Variants in BRD4 observed in about 807,000 individuals in gnomAD.
BRD4 encodes bromodomain-containing protein 4.
Under a neutral mutation model 142.1 loss-of-function variants are expected in BRD4, and 16 were observed. That is an observed-to-expected ratio of 0.11 (90% CI 0.08 to 0.17). BRD4 has a LOEUF of 0.17. BRD4 is among the 10% of genes least tolerant of loss of function. BRD4 has a pLI of 1.00. For synonymous variants in BRD4, 833 were observed against 707.5 expected, an observed-to-expected ratio of 1.18 and a Z score of -2.82; for missense variants, 1,424 against 1,810.9, an observed-to-expected ratio of 0.79 and a Z score of 3.88.
At position 15,239,223 on chromosome 19, in the gene BRD4, C is replaced by T. The variant is rs2145500130; in HGVS notation, c.3618G>A (p.Val1206=). 1.2e-6 allele frequency: 2 copies of T among 1,613,172 alleles called. No homozygotes were observed. The highest frequency in any genetic ancestry group is 1.7e-6 in the Non-Finnish European group (2 of 1,180,004). ...AGGAGGGGGTGGTCGGATGCTTCTG[C>T]ACTAGGCTGGCCCAGGAGCCCATGT... The part of the protein sequence containing the change: ...IKNMGSWASL[V]QKHPTTPSST... Residue 1206 remains valine (V), a synonymous_variant, in exon 18 of 20, where the codon GTG becomes GTA. Coordinates refer to ENST00000679869, the MANE Select transcript of BRD4 (RefSeq NM_001379291.1). The surrounding 1 kb of genome is among the most constrained non-coding windows in gnomAD (Gnocchi z 7.4).
In BRD4 at chr19:15,238,299, A is replaced by C. The variant is rs1599427678; in HGVS notation, c.*78T>G. The C allele has an allele frequency of 1.3e-6, 2 of 1,594,302 alleles. No homozygotes were observed. The highest frequency in any genetic ancestry group is 1.7e-6 in the Non-Finnish European group (2 of 1,168,994). On this transcript the variant is annotated 3_prime_UTR_variant, in exon 20 of 20. Coordinates refer to ENST00000679869, the MANE Select transcript of BRD4 (RefSeq NM_001379291.1). The surrounding 1 kb of genome is among the most constrained non-coding windows in gnomAD (Gnocchi z 7.2). ...GAGGCATCCCCTGGCCGCTGATCCCACCTCCACCACCGCCCCTAACACTAT... is the reference window on the plus strand; with the variant it reads ...GAGGCATCCCCTGGCCGCTGATCCCCCCTCCACCACCGCCCCTAACACTAT...
chr19:15,238,734 C>A lies in BRD4; in HGVS notation c.4020+9G>T, dbSNP rs200578182. ...TAGACCAGGGTCCCCACCAGGCCTC[C>A]AGACTCACGGCTTCCCGGCGTCTTC... is the stretch of plus-strand genomic sequence containing the variant. On this transcript the variant is annotated intron_variant, in intron 19 of 19. Coordinates refer to ENST00000679869, the MANE Select transcript of BRD4 (RefSeq NM_001379291.1). The surrounding 1 kb of genome is among the most constrained non-coding windows in gnomAD (Gnocchi z 7.2). 5.7e-3 allele frequency: 8,708 copies of A among 1,525,150 alleles called. 41 individuals carry two copies. The highest frequency in any genetic ancestry group is 7.1e-3 in the Non-Finnish European group (8,013 of 1,134,660). 94.5% of individuals were successfully genotyped at this position (1,525,150 alleles called of 1,614,324 possible). A position where few individuals can be genotyped will look rare whatever the true frequency, so the allele number is the denominator to read the frequency against.
In BRD4 at chr19:15,263,887, C is replaced by T. The variant is rs530927903; in HGVS notation, c.1213-339G>A. ...AGTACAGGAGCTGGTCAAAGGGACA[C>T]AGCACTGTTCCCTGCTCTGCCTGCC... On this transcript the variant is annotated intron_variant, in intron 6 of 19. Transcript: ENST00000679869. Among the ~76,000 whole-genome samples, 341 of 152,356 alleles carry T rather than the reference C, an allele frequency of 2.2e-3. 1 individual carries two copies. The highest frequency in any genetic ancestry group is 3.6e-3 in the Non-Finnish European group (247 of 68,032).
chr19:15,331,506 G>A lies in BRD4; in HGVS notation c.-35+784C>T, dbSNP rs1003459833. ...AGCAAAACAAAGCGCCCAGCAAGGG[G>A]CTGCCAGGCTGAGAGTGGGTGCGTC... On this transcript the variant is annotated intron_variant, in intron 1 of 19. Transcript: ENST00000679869. 6.6e-5 allele frequency among the ~76,000 whole-genome samples: 10 copies of A among 152,200 alleles called. No individual in the cohort carries two copies. The East Asian group carries it at 1.4e-3, about 21-fold the overall frequency.
At position 15,243,361 on chromosome 19, in the gene BRD4, G is replaced by T. The variant is rs757519725; in HGVS notation, c.2708C>A (p.Pro903His). ...CACTTGGGGGGGTTGGGCCATGGGG[G>T]GCTGTGGGAGCAGGGGTGTTTGGGT... ...ALTQTPLLPQ[P>H]PMAQPPQVLL... is the part of the protein sequence containing the mutation. The change falls in exon 14 of 20, where the codon CCC becomes CAC. Residue 903 changes from proline to histidine, a missense_variant. Physicochemically the swap from Pro to His is moderately conservative, Grantham distance 77. This residue lies in a region of BRD4 where 598 missense variants were observed against 647.8 expected (regional missense o/e 0.92). Coordinates refer to ENST00000679869, the MANE Select transcript of BRD4 (RefSeq NM_001379291.1). 1 of 1,503,502 alleles carries T rather than the reference G, an allele frequency of 6.7e-7. No individual in the cohort carries two copies. The highest frequency in any genetic ancestry group is 1.4e-5 in the African/African-American group (1 of 70,648). The allele number at this position is 1,503,502 out of a possible 1,614,324, so 93.1% of individuals were successfully genotyped here. A position where few individuals can be genotyped will look rare whatever the true frequency, so the allele number is the denominator to read the frequency against.
intron 1 of BRD4, among the ~76,000 whole-genome samples, chr19:15,303,903 A>G (rs1268517948): frequency 6.6e-6 from 1 of 152,178 alleles, no homozygotes; most frequent in Non-Finnish European, 1.5e-5. Flanking sequence ...CTTGATCAAG[A>G]TGCCAGCAAG....
In BRD4 at chr19:15,316,367, A is replaced by G. The variant is rs193123914; in HGVS notation, c.-35+15923T>C. On this transcript the variant is annotated intron_variant, in intron 1 of 19. Transcript: ENST00000679869. ...TGGAAGTGAAGGCCCGGAGCGGTGG[A>G]TCACCTGAGATCAGGAGTTCGAGAC... 3.7e-3 allele frequency among the ~76,000 whole-genome samples: 570 copies of G among 152,098 alleles called. 5 individuals are homozygous for G. Among genetic ancestry groups the G allele is most frequent in the African/African-American group, 0.013 (537 of 41,484 alleles).
intron 11 of BRD4, chr19:15,248,623 CGAA>C (rs2047313296): frequency 4.4e-6 from 1 of 226,712 alleles, no homozygotes; most frequent in Non-Finnish European, 8.8e-6. Flanking sequence ...ACAATGGAGA[CGAA>C]GGAGGAAAGA....
rs199730800 is a variant in BRD4, at chr19:15,257,055, T to C, written c.1460A>G (p.Asp487Gly). Reference protein sequence around the residue: ...TKVVAPPSSSDSSSDSSSDSD... With the variant: ...TKVVAPPSSSGSSSDSSSDSD... The stretch of plus-strand genomic sequence containing the variant: ...GTCCGAGGAGCTATCGCTGCTGCTG[T>C]CGCTGGATGAGGGCGGGGCCACAAC... The change falls in exon 8 of 20, where the codon GAC becomes GGC. Residue 487 changes from aspartate to glycine, a missense_variant. Coordinates refer to ENST00000679869, the MANE Select transcript of BRD4 (RefSeq NM_001379291.1). The C allele has an allele frequency of 6.2e-6, 10 of 1,602,416 alleles. No individual in the cohort carries two copies. Among genetic ancestry groups the C allele is most frequent in the Non-Finnish European group, 8.5e-6 (10 of 1,176,460 alleles).
chr19:15,306,603 C>T (rs529028558), intron 1 of BRD4, among the ~76,000 whole-genome samples: 6 of 152,202 alleles, frequency 3.9e-5, no homozygotes, highest in East Asian at 1.9e-4. Flanking sequence ...GTGAGAGACG[C>T]GAGACCCTTC....
At position 15,243,198 on chromosome 19, in the gene BRD4, G is replaced by C. The variant is rs945737077; in HGVS notation, c.2871C>G (p.Pro957=). ...CAGAGGGGTGGGGTGGGGGCGGCAG[G>C]GGGGGTGGGGGCTGGGACTGCACCT... is the stretch of plus-strand genomic sequence containing the variant. ...SVKVQSQPPP[P]LPPPPHPSVQ... is the part of the protein sequence containing the mutation. Residue 957 remains proline, a synonymous_variant, in exon 14 of 20, where the codon CCC becomes CCG. Coordinates refer to ENST00000679869, the MANE Select transcript of BRD4 (RefSeq NM_001379291.1). 5 of 1,168,928 alleles carry C rather than the reference G, an allele frequency of 4.3e-6. No homozygotes were observed. Among genetic ancestry groups the C allele is most frequent in the Non-Finnish European group, 5.8e-6 (5 of 864,694 alleles). 72.4% of individuals were successfully genotyped at this position (1,168,928 alleles called of 1,614,324 possible).
intron 1 of BRD4, among the ~76,000 whole-genome samples, chr19:15,288,554 C>T (rs1221765041): frequency 6.6e-6 from 1 of 152,232 alleles, no homozygotes; most frequent in Non-Finnish European, 1.5e-5. Context: ...CTGCCCTAAG[C>T]CCATCCACAC....
In BRD4 at chr19:15,281,456, CA is replaced by C. The variant is rs1248154046; in HGVS notation, c.-34-8324del. Among the ~76,000 whole-genome samples, 4 of 152,332 alleles carry C rather than the reference CA, an allele frequency of 2.6e-5. No homozygotes were observed. The East Asian group carries it at 7.7e-4, about 29-fold the overall frequency. On this transcript the variant is annotated intron_variant, in intron 1 of 19. Coordinates refer to ENST00000679869, the MANE Select transcript of BRD4 (RefSeq NM_001379291.1). ...GAAACTGGGCGGGACACAATCTCACCAACCAGAATTCCAGTCTCTCTGCTTT... is the reference window on the plus strand; with the variant it reads ...GAAACTGGGCGGGACACAATCTCACCACCAGAATTCCAGTCTCTCTGCTTT...
At chr19:15,276,558 G>T (rs969091093) in intron 1 of BRD4, among the ~76,000 whole-genome samples, 24 of 151,974 alleles carry the variant, frequency 1.6e-4, no homozygotes, top group African/African-American at 5.8e-4. Flanking sequence ...TCCATCTACT[G>T]AGTTCCATGG....
chr19:15,267,629 CACCCCCTGCCCCCA>C, intron 3 of BRD4, 78 bp from the exon 4 acceptor site: 1 of 1,513,862 alleles, frequency 6.6e-7, no homozygotes, highest in Non-Finnish European at 8.9e-7. Context: ...CCATGCCACC[CACCCCCTGCCCCCA>C]AAACATGAAG....
chr19:15,252,742 T>C (rs990715433), intron 11 of BRD4, among the ~76,000 whole-genome samples: 1 of 152,156 alleles, frequency 6.6e-6, no homozygotes, highest in African/African-American at 2.4e-5. Flanking sequence ...TGCATGCAGT[T>C]GTGGTAGAGA....
At chr19:15,270,653 G>A (rs190506787) in intron 2 of BRD4, among the ~76,000 whole-genome samples, 16 of 152,276 alleles carry the variant, frequency 1.1e-4, no homozygotes, top group East Asian at 1.9e-4. Context: ...TGGATAGTAC[G>A]GTTTGGGGCC....
At chr19:15,267,663 C>G (rs993649458) in intron 3 of BRD4, 112 bp from the exon 4 acceptor site, 3 of 1,277,502 alleles carry the variant, frequency 2.3e-6, no homozygotes, top group Non-Finnish European at 3.2e-6. Context: ...GCGTCGTATT[C>G]CGGGTCCTTC....
At chr19:15,262,900 C>T (rs11879784) in intron 7 of BRD4, among the ~76,000 whole-genome samples, 300 of 152,246 alleles carry the variant, frequency 2.0e-3, no homozygotes, top group African/African-American at 6.7e-3. Flanking sequence ...CTCCCCTCCC[C>T]GCCCACACGT....
Sources: gnomAD v4.1 joint callset for allele counts (sites outside exome capture counted in the v4.1 genomes callset) on GRCh38, gnomAD v4.1.1 for gene constraint, gnomAD v4.1.1 regional missense constraint, Gnocchi (gnomAD v3.1) non-coding constraint, MANE v1.5 for transcripts, NCBI Gene and HGNC (gene_info 2026-07-23, HGNC 2026-07-21) for gene names.